COL4A6: variants seen among roughly 807,000 people sequenced by gnomAD.
COL4A6 encodes the protein collagen type IV alpha 6 chain.
Under a neutral mutation model 126.7 loss-of-function variants are expected in COL4A6, and 59 were observed. The ratio of observed to expected loss-of-function variants is 0.47; its 90% CI spans 0.38 to 0.58. COL4A6 has a LOEUF of 0.58. COL4A6 is among the 20% of genes least tolerant of loss of function. The probability of loss-of-function intolerance (pLI) is 0.00; values close to 1 mark genes in which losing one functional copy is unlikely to be tolerated. For synonymous variants in COL4A6, 547 were observed against 496.6 expected, an observed-to-expected ratio of 1.10 and a Z score of -1.35; for missense variants, 1,285 against 1,337.3, an observed-to-expected ratio of 0.96 and a Z score of 0.61.
chrX:108,411,201 C>A (rs2041320063), intron 2 of COL4A6, among the ~76,000 whole-genome samples: 3 of 108,993 alleles, frequency 2.8e-5, no homozygotes. Flanking sequence ...GCCAGTAAAT[C>A]ATAATTACAT....
rs546012723 is a variant in COL4A6 at position 108,437,138 on chromosome X, C to T, written c.63+804G>A. Among the ~76,000 whole-genome samples, 18 of 111,978 alleles carry T rather than the reference C, an allele frequency of 1.6e-4. 1 individual carries two copies. The South Asian group carries it at 6.3e-3, about 39-fold the overall frequency. ...CTGCCAGCTTAAGTAGCTAGTGAAA[C>T]TGGAAAACTGCAGCATCTTTGATTA... is the stretch of plus-strand genomic sequence containing the variant. On this transcript the variant is annotated intron_variant, in intron 2 of 44. Transcript: ENST00000334504.
At chrX:108,183,969 A>G (rs755836119) in intron 23 of COL4A6, among the ~76,000 whole-genome samples, 1 of 111,665 alleles carries the variant, frequency 9.0e-6, no homozygotes, top group East Asian at 2.8e-4. Flanking sequence ...GATTACTATG[A>G]GCATCTGGAA....
At chrX:108,167,268 C>T (rs1212250206) in intron 37 of COL4A6, among the ~76,000 whole-genome samples, 1 of 111,816 alleles carries the variant, frequency 8.9e-6, no homozygotes, top group African/African-American at 3.2e-5. Context: ...AATATGAAAA[C>T]AAATAGTATC....
At chrX:108,220,075 C>A (rs1416365145) in intron 4 of COL4A6, among the ~76,000 whole-genome samples, 2 of 111,657 alleles carry the variant, frequency 1.8e-5, no homozygotes, top group Non-Finnish European at 3.8e-5. Flanking sequence ...CATTATGCTT[C>A]TACAGATAAG....
At chrX:108,336,269 G>A (rs942599856) in intron 2 of COL4A6, among the ~76,000 whole-genome samples, 6 of 111,542 alleles carry the variant, frequency 5.4e-5, no homozygotes, top group Admixed American at 4.8e-4. Context: ...ACAAAATGTG[G>A]TATATCCATA....
intron 2 of COL4A6, among the ~76,000 whole-genome samples, chrX:108,369,793 AT>A (rs1213913658): frequency 8.9e-6 from 1 of 112,279 alleles, no homozygotes; most frequent in Non-Finnish European, 1.9e-5. Context: ...CAAACAGTAA[AT>A]GTTTTTGTCT....
chrX:108,258,279 C>T (rs1206932393), intron 3 of COL4A6, among the ~76,000 whole-genome samples: 1 of 111,990 alleles, frequency 8.9e-6, no homozygotes, highest in African/African-American at 3.2e-5. Context: ...GGAGAGGACA[C>T]TCACACCCTC....
At chrX:108,412,727 C>T (rs2041356012) in intron 2 of COL4A6, among the ~76,000 whole-genome samples, 2 of 112,257 alleles carry the variant, frequency 1.8e-5, no homozygotes, top group African/African-American at 6.5e-5. Flanking sequence ...ATTCTGACAG[C>T]CAGTGTATAA....
At chrX:108,291,470 A>G (rs1016688516) in intron 3 of COL4A6, among the ~76,000 whole-genome samples, 1 of 112,189 alleles carries the variant, frequency 8.9e-6, no homozygotes, top group African/African-American at 3.2e-5. Context: ...ATGTGACCAT[A>G]TGATATTCCA....
chrX:108,269,014 A>T, intron 3 of COL4A6: 1 of 319,576 alleles, frequency 3.1e-6, no homozygotes, highest in African/African-American at 2.7e-5. Context: ...CCATAGAAGT[A>T]TGGGGAAAGA....
In COL4A6 at chrX:108,204,406, C is replaced by A. The variant is rs753296939; in HGVS notation, c.694G>T (p.Val232Phe). ...FQGEKGVKGD[V>F]GLPGPAGPPP... is the part of the protein sequence containing the mutation. ...GGTCCTGCTGGGCCAGGGAGGCCAA[C>A]ATCCCCCTGTAAGATCAAATGGAAC... Residue 232 changes from valine (V) to phenylalanine (F), a missense_variant, in exon 12 of 45, where the codon GTT becomes TTT. Coordinates refer to ENST00000334504, the MANE Select transcript of COL4A6 (RefSeq NM_033641.4). The A allele has an allele frequency of 8.3e-7, 1 of 1,201,754 alleles. No homozygotes were observed. Among genetic ancestry groups the A allele is most frequent in the Non-Finnish European group, 1.1e-6 (1 of 888,522 alleles).
intron 3 of COL4A6, among the ~76,000 whole-genome samples, chrX:108,233,774 T>C (rs142876615): frequency 0.011 from 1,222 of 112,126 alleles, 19 homozygotes; most frequent in African/African-American, 0.037. Flanking sequence ...TGGATTATCA[T>C]AGACAATCAT....
intron 2 of COL4A6, among the ~76,000 whole-genome samples, chrX:108,418,566 G>A (rs1053349508): frequency 8.9e-6 from 1 of 111,930 alleles, no homozygotes; most frequent in Admixed American, 9.5e-5. Flanking sequence ...TATGGAAAAT[G>A]TCTCTATCAT....
chrX:108,396,105 A>C (rs1336996764), intron 2 of COL4A6, among the ~76,000 whole-genome samples: 2 of 111,742 alleles, frequency 1.8e-5, no homozygotes, highest in African/African-American at 6.5e-5. Flanking sequence ...AATAAAAATA[A>C]GTTATTAAAT....
intron 17 of COL4A6, 131 bp from the exon 18 acceptor site, chrX:108,192,711 A>G: frequency 2.2e-6 from 1 of 463,253 alleles, no homozygotes; most frequent in Non-Finnish European, 3.8e-6. Context: ...CAAGTCTCTA[A>G]TGCTAATGGC....
intron 3 of COL4A6, among the ~76,000 whole-genome samples, chrX:108,262,521 A>C (rs1026263477): frequency 9.0e-6 from 1 of 111,644 alleles, no homozygotes. Flanking sequence ...AGCATAAGTG[A>C]AAAAACTGGG....
At chrX:108,326,433 T>C (rs1474262889) in intron 2 of COL4A6, among the ~76,000 whole-genome samples, 2 of 112,133 alleles carry the variant, frequency 1.8e-5, no homozygotes, top group African/African-American at 6.5e-5. Context: ...TTTCCCCCAA[T>C]TGATGATCAT....
chrX:108,403,838 G>A (rs1333877663), intron 2 of COL4A6, among the ~76,000 whole-genome samples: 2 of 111,750 alleles, frequency 1.8e-5, no homozygotes, highest in African/African-American at 6.5e-5. Context: ...GTGAATCAAA[G>A]ATCTGCTTCA....
chrX:108,243,390 T>C (rs2036628417), intron 3 of COL4A6, among the ~76,000 whole-genome samples: 1 of 110,529 alleles, frequency 9.0e-6, no homozygotes, highest in African/African-American at 3.3e-5. Flanking sequence ...CTTGATCCAA[T>C]AGAACTGGTG....
Sources: gnomAD v4.1 joint callset for allele counts (sites outside exome capture counted in the v4.1 genomes callset) on GRCh38, gnomAD v4.1.1 for gene constraint, MANE v1.5 for transcripts, NCBI Gene and HGNC (gene_info 2026-07-23, HGNC 2026-07-21) for gene names.